SLC11A2: variants seen among roughly 807,000 people sequenced by gnomAD.
The protein encoded by SLC11A2 is solute carrier family 11 member 2.
In SLC11A2, 38 loss-of-function variants were observed where a neutral mutation model predicts 68.0. That is an observed-to-expected ratio of 0.56 (90% CI 0.43 to 0.73). The LOEUF is 0.73. Among genes scored for constraint, SLC11A2 ranks in the 30% least tolerant of loss-of-function variants. The pLI, the probability that SLC11A2 is intolerant of heterozygous loss-of-function variation, is 0.00. For synonymous variants in SLC11A2, 242 were observed against 250.6 expected (o/e 0.97, Z 0.32); for missense variants, 517 against 690.5 (o/e 0.75, Z 2.82).
intron 10 of SLC11A2, chr12:50,994,860 G>A (rs1941550280): frequency 1.9e-6 from 1 of 537,494 alleles, no homozygotes; most frequent in Non-Finnish European, 3.3e-6. Flanking sequence ...CAGTGTGCAT[G>A]GTAATAATGT....
intron 2 of SLC11A2, chr12:51,009,042 C>T: frequency 2.3e-6 from 2 of 879,642 alleles, no homozygotes; most frequent in Non-Finnish European, 3.6e-6. Context: ...ACCTAAAATC[C>T]TAGCTTTTAA....
At chr12:50,977,720 T>C (rs943412139), downstream of SLC11A2, among the ~76,000 whole-genome samples, 7 of 152,046 alleles carry the variant, frequency 4.6e-5, no homozygotes, top group Admixed American at 2.0e-4. Context: ...ACCTACAGAA[T>C]GGGAGAAAAT....
upstream of SLC11A2, among the ~76,000 whole-genome samples, chr12:51,027,919 G>A (rs868403190): frequency 0.15 from 2,516 of 16,438 alleles, 129 homozygotes; most frequent in Admixed American, 0.37. Context: ...AAAAAAAGTG[G>A]GGGGGGGGGG....
downstream of SLC11A2, among the ~76,000 whole-genome samples, chr12:50,978,004 G>A (rs528966351): frequency 6.6e-6 from 1 of 152,324 alleles, no homozygotes; most frequent in South Asian, 2.1e-4. Flanking sequence ...ACAGGTACTA[G>A]AGAGGATGCA....
chr12:50,961,142 G>T, the SLC11A2 span: 4 of 1,600,392 alleles, frequency 2.5e-6, no homozygotes, highest in Non-Finnish European at 2.6e-6. Context: ...AGCTGTCTTT[G>T]AGAGTACATT....
chr12:51,004,375 A>G (rs1566013373), intron 5 of SLC11A2, among the ~76,000 whole-genome samples: 1 of 152,218 alleles, frequency 6.6e-6, no homozygotes, highest in Non-Finnish European at 1.5e-5. Context: ...TTGTACTAAA[A>G]AGAAAAAAAA....
At chr12:51,023,553 G>C (rs1944183856) in intron 1 of SLC11A2, among the ~76,000 whole-genome samples, 1 of 152,026 alleles carries the variant, frequency 6.6e-6, no homozygotes, top group African/African-American at 2.4e-5. Flanking sequence ...TTTTTTCCCA[G>C]AATGTTTTAC....
At position 51,004,732 on chromosome 12, in the gene SLC11A2, G is replaced by C. The variant is rs1207656415; in HGVS notation, c.429+56C>G. On this transcript the variant is annotated intron_variant, in intron 5 of 15. Transcript: ENST00000262052. ...AGAATGAGGCCAGCACATACCGCCA[G>C]ACACACAGATTCCTATGGCATGGGT... is the stretch of plus-strand genomic sequence containing the variant. The C allele has an allele frequency of 3.1e-6, 5 of 1,602,012 alleles. No individual in the cohort carries two copies. In the African/African-American group the frequency reaches 6.7e-5, roughly 21 times the overall value.
chr12:50,968,222 A>C, the SLC11A2 span, among the ~76,000 whole-genome samples: 1 of 152,214 alleles, frequency 6.6e-6, no homozygotes, highest in Non-Finnish European at 1.5e-5. Context: ...GCTGTTGCTT[A>C]TGTTTCTAAT....
chr12:50,989,696 T>C (rs188600620), intron 15 of SLC11A2, among the ~76,000 whole-genome samples: 1 of 152,318 alleles, frequency 6.6e-6, no homozygotes, highest in East Asian at 1.9e-4. Flanking sequence ...GTCAGTACAG[T>C]CTTTGTGTGC....
At chr12:51,003,010 G>T (rs538059520) in intron 5 of SLC11A2, among the ~76,000 whole-genome samples, 1 of 151,916 alleles carries the variant, frequency 6.6e-6, no homozygotes, top group Non-Finnish European at 1.5e-5. Flanking sequence ...GGCCGAGGTG[G>T]GCAGATCACA....
chr12:51,005,144 T>A (rs554844040), intron 4 of SLC11A2, among the ~76,000 whole-genome samples, 167 bp downstream of exon 4: 7 of 152,364 alleles, frequency 4.6e-5, no homozygotes, highest in African/African-American at 1.7e-4. Flanking sequence ...AAGGAAACTA[T>A]GTGGATAAAA....
At chr12:51,028,101 G>T, upstream of SLC11A2, 1 of 942,788 alleles carries the variant, frequency 1.1e-6, no homozygotes, top group Non-Finnish European at 1.6e-6. Flanking sequence ...ATTATAACTA[G>T]AAAATAAAAT....
chr12:50,975,341 C>G (rs945779440), downstream of SLC11A2, among the ~76,000 whole-genome samples: 7 of 152,126 alleles, frequency 4.6e-5, no homozygotes, highest in African/African-American at 1.7e-4. Flanking sequence ...GAAACTCACT[C>G]AAAACCGCTC....
At chr12:50,990,670 A>T in intron 15 of SLC11A2, 125 bp downstream of exon 15, 2 of 976,718 alleles carry the variant, frequency 2.0e-6, no homozygotes, top group Non-Finnish European at 3.1e-6. Flanking sequence ...TCAGCCTCCC[A>T]AAGTACTGGG....
At chr12:50,969,905 G>C in the SLC11A2 span, among the ~76,000 whole-genome samples, 3 of 151,850 alleles carry the variant, frequency 2.0e-5, no homozygotes, top group Admixed American at 2.0e-4. Context: ...GACATCCTTG[G>C]AACTCATTAA....
In SLC11A2 at chr12:50,986,453, C is replaced by T; in HGVS notation, c.*1872G>A. 1 of 1,285,094 alleles carries T rather than the reference C, an allele frequency of 7.8e-7. No homozygotes were observed. The highest frequency in any genetic ancestry group is 1.0e-6 in the Non-Finnish European group (1 of 987,042). The allele number at this position is 1,285,094 out of a possible 1,614,324, so 79.6% of individuals were successfully genotyped here. On this transcript the variant is annotated 3_prime_UTR_variant, in exon 16 of 16. Transcript: ENST00000262052. Reference sequence around the variant, plus strand: ...CTATCATTGCAAGTCATAAATATAACTTTTAAAAGAATACTAGCAGCTTTT... The same window carrying T: ...CTATCATTGCAAGTCATAAATATAATTTTTAAAAGAATACTAGCAGCTTTT...
chr12:51,025,676 T>C, intron 1 of SLC11A2: 1 of 789,322 alleles, frequency 1.3e-6, no homozygotes, highest in Non-Finnish European at 1.5e-6. Context: ...CACTTACATA[T>C]GTGCAATATC....
At chr12:50,991,498 T>C in intron 14 of SLC11A2, 101 bp downstream of exon 14, 1 of 884,946 alleles carries the variant, frequency 1.1e-6, no homozygotes, top group South Asian at 1.4e-5. Flanking sequence ...TCTCAAAGCA[T>C]ATCGCTTCCC....
Sources: gnomAD v4.1 joint callset for allele counts (sites outside exome capture counted in the v4.1 genomes callset) on GRCh38, gnomAD v4.1.1 for gene constraint, MANE v1.5 for transcripts, NCBI Gene and HGNC (gene_info 2026-07-23, HGNC 2026-07-21) for gene names.